FAM120C: variants seen among roughly 807,000 people sequenced by gnomAD.
FAM120C encodes the protein family with sequence similarity 120 member C, also known as constitutive coactivator of PPAR-gamma-like protein 2.
A neutral mutation model predicts 71.2 loss-of-function variants in FAM120C; 14 were observed. That is an observed-to-expected ratio of 0.20 (90% CI 0.13 to 0.31). The LOEUF is 0.31. Among genes scored for constraint, FAM120C ranks in the 10% least tolerant of loss-of-function variants. The probability of loss-of-function intolerance (pLI) is 1.00; values close to 1 mark genes in which losing one functional copy is unlikely to be tolerated. For missense variants in FAM120C, 500 were observed against 879.0 expected (o/e 0.57, Z 5.45); for synonymous variants, 354 against 353.2 (o/e 1.00, Z -0.03).
intron 1 of FAM120C, among the ~76,000 whole-genome samples, chrX:54,166,557 C>T (rs1029347186): frequency 1.8e-5 from 2 of 111,432 alleles, no homozygotes; most frequent in African/African-American, 6.5e-5. Context: ...ATAATGTATA[C>T]GTACAATGGA....
At chrX:54,111,935 C>T (rs1425742128) in intron 10 of FAM120C, among the ~76,000 whole-genome samples, 1 of 112,219 alleles carries the variant, frequency 8.9e-6, no homozygotes, top group Non-Finnish European at 1.9e-5. Context: ...TAAAAATAGA[C>T]ACATAGATCA....
intron 1 of FAM120C, among the ~76,000 whole-genome samples, chrX:54,173,305 A>G (rs1207151167): frequency 8.9e-6 from 1 of 111,872 alleles, no homozygotes; most frequent in Non-Finnish European, 1.9e-5. Flanking sequence ...CTGGAGTGCA[A>G]TGGTGCAATC....
At chrX:54,114,930 TC>T (rs1385764989) in intron 10 of FAM120C, among the ~76,000 whole-genome samples, 1 of 109,235 alleles carries the variant, frequency 9.2e-6, no homozygotes, top group Non-Finnish European at 1.9e-5. Context: ...TAATTTTTTT[TC>T]TTTTTTTTGT....
chrX:54,088,105 C>T (rs183496248), intron 11 of FAM120C, 141 bp from the exon 12 acceptor site: 133 of 493,997 alleles, frequency 2.7e-4, no homozygotes, highest in Non-Finnish European at 4.1e-4. Flanking sequence ...GCATAAGCAG[C>T]TTCTATCCAT....
chrX:54,126,682 C>G (rs2067029012), intron 9 of FAM120C, among the ~76,000 whole-genome samples: 1 of 112,891 alleles, frequency 8.9e-6, no homozygotes, highest in Non-Finnish European at 1.9e-5. Flanking sequence ...TTTTCTGCAT[C>G]CATTGATATA....
At chrX:54,073,968 G>A (rs782740928) in intron 15 of FAM120C, among the ~76,000 whole-genome samples, 8 of 110,480 alleles carry the variant, frequency 7.2e-5, no homozygotes, top group Non-Finnish European at 1.1e-4. Flanking sequence ...TGGGACTACA[G>A]GCGTGCACCA....
At chrX:54,087,270 G>A (rs1400162260) in intron 12 of FAM120C, among the ~76,000 whole-genome samples, 1 of 103,793 alleles carries the variant, frequency 9.6e-6, no homozygotes, top group Non-Finnish European at 2.0e-5. Context: ...CCGAGGTCAC[G>A]CCACTGCATT....
chrX:54,165,782 A>T (rs1309914590), intron 1 of FAM120C, among the ~76,000 whole-genome samples: 2 of 109,486 alleles, frequency 1.8e-5, no homozygotes, highest in East Asian at 2.8e-4. Context: ...ATCTCAAAAA[A>T]AATAATAATA....
At chrX:54,138,816 A>G (rs1056134713) in intron 4 of FAM120C, among the ~76,000 whole-genome samples, 57 of 112,024 alleles carry the variant, frequency 5.1e-4, no homozygotes, top group African/African-American at 1.6e-3. Flanking sequence ...GAGACTGTCT[A>G]AACAAACAAA....
At chrX:54,169,549 T>C (rs1404102611) in intron 1 of FAM120C, among the ~76,000 whole-genome samples, 1 of 111,747 alleles carries the variant, frequency 8.9e-6, no homozygotes, top group African/African-American at 3.3e-5. Flanking sequence ...TCTGCGGTAC[T>C]TGACTTCCTC....
chrX:54,116,869 G>C, intron 9 of FAM120C, 75 bp from the exon 10 acceptor site: 1 of 1,088,284 alleles, frequency 9.2e-7, no homozygotes, highest in Non-Finnish European at 1.2e-6. Flanking sequence ...ACAGGACATT[G>C]ACAGGCTCCA....
intron 1 of FAM120C, among the ~76,000 whole-genome samples, chrX:54,161,692 C>T (rs2067236310): frequency 8.9e-6 from 1 of 112,506 alleles, no homozygotes; most frequent in South Asian, 3.7e-4. Flanking sequence ...AGTGCAGTGG[C>T]CTGATCTCGG....
chrX:54,127,715 G>A (rs1164222460), intron 9 of FAM120C, among the ~76,000 whole-genome samples: 3 of 109,546 alleles, frequency 2.7e-5, no homozygotes, highest in Non-Finnish European at 3.8e-5. Flanking sequence ...CTCAGCCTGC[G>A]GAGTAGCTGG....
At chrX:54,077,861 C>T (rs781874698) in intron 15 of FAM120C, among the ~76,000 whole-genome samples, 2 of 107,064 alleles carry the variant, frequency 1.9e-5, no homozygotes, top group African/African-American at 6.8e-5. Flanking sequence ...CATATCCACA[C>T]AGCTATTTCT....
chrX:54,158,042 T>G lies in FAM120C; in HGVS notation c.947-271A>C, dbSNP rs184361435. 3.6e-3 allele frequency among the ~76,000 whole-genome samples: 403 copies of G among 112,071 alleles called. 2 individuals are homozygous for G. The highest frequency in any genetic ancestry group is 0.012 in the African/African-American group (376 of 30,873). ...AGACATGTTTGGTGACTTGGCCCAATGTGGTCTGGCCAATAGGTACACACA... is the reference window on the plus strand; with the variant it reads ...AGACATGTTTGGTGACTTGGCCCAAGGTGGTCTGGCCAATAGGTACACACA... On this transcript the variant is annotated intron_variant, in intron 2 of 15. Coordinates refer to ENST00000375180, the MANE Select transcript of FAM120C (RefSeq NM_017848.6).
At chrX:54,090,027 C>A (rs1278279729) in intron 11 of FAM120C, among the ~76,000 whole-genome samples, 1 of 110,333 alleles carries the variant, frequency 9.1e-6, no homozygotes, top group African/African-American at 3.3e-5. Flanking sequence ...AGTATCCTCA[C>A]AAACTGACAC....
Position 54,085,812 on chromosome X carries a change from C to A in FAM120C, c.2742G>T (p.Val914=), listed in dbSNP as rs1557121905. 8.3e-7 allele frequency: 1 copy of A among 1,211,443 alleles called. No individual in the cohort carries two copies. The highest frequency in any genetic ancestry group is 1.1e-6 in the Non-Finnish European group (1 of 895,258). ...GGTAGAGAGAGGGCACCATGGGAGG[C>A]ACAAAAGTAGGTGACGGAAGTAGAG... The part of the protein sequence containing the change: ...PSALLPSPTF[V]PPMVPSLYPV... The change falls in exon 13 of 16, where the codon GTG becomes GTT. Residue 914 remains valine (V), a synonymous_variant. Transcript: ENST00000375180.
chrX:54,109,484 A>C (rs1485889481), intron 10 of FAM120C, among the ~76,000 whole-genome samples: 1 of 108,438 alleles, frequency 9.2e-6, no homozygotes, highest in African/African-American at 3.4e-5. Context: ...GCATGGTGGC[A>C]TGCCCCTGTA....
chrX:54,171,103 T>C (rs1306658836), intron 1 of FAM120C, among the ~76,000 whole-genome samples: 1 of 111,615 alleles, frequency 9.0e-6, no homozygotes, highest in Non-Finnish European at 1.9e-5. Flanking sequence ...AAAAATTAAC[T>C]TCCAAAAATG....
Sources: gnomAD v4.1 joint callset for allele counts (sites outside exome capture counted in the v4.1 genomes callset) on GRCh38, gnomAD v4.1.1 for gene constraint, MANE v1.5 for transcripts, NCBI Gene and HGNC (gene_info 2026-07-23, HGNC 2026-07-21) for gene names.